SOX5: variants seen among roughly 807,000 people sequenced by gnomAD.
SOX5 encodes SRY-box transcription factor 5.
SOX5 carries 9 observed loss-of-function variants against 92.0 expected under a neutral mutation model. The observed-to-expected ratio is 0.10, with a 90% confidence interval of 0.06 to 0.17. The LOEUF is 0.17. Ranked by LOEUF, SOX5 falls within the 10% of genes least tolerant of loss-of-function variation. SOX5 has a pLI of 1.00. For missense variants in SOX5, 642 were observed against 944.5 expected (o/e 0.68, Z 4.20); for synonymous variants, 344 against 336.3 (o/e 1.02, Z -0.25).
chr12:24,033,214 G>C (rs1477495248), intron 4 of SOX5, among the ~76,000 whole-genome samples: 1 of 151,860 alleles, frequency 6.6e-6, no homozygotes. Flanking sequence ...CAATTCTGCA[G>C]AAAGAGGAAT....
At chr12:24,230,148 A>C (rs1440248181) in intron 3 of SOX5, among the ~76,000 whole-genome samples, 1 of 152,122 alleles carries the variant, frequency 6.6e-6, no homozygotes, top group African/African-American at 2.4e-5. Context: ...AGAGTGTGTA[A>C]TGGGGGATCT....
At chr12:23,773,713 A>G (rs2095011204) in intron 3 of SOX5, among the ~76,000 whole-genome samples, 1 of 151,890 alleles carries the variant, frequency 6.6e-6, no homozygotes, top group Non-Finnish European at 1.5e-5. Flanking sequence ...GCTGATTTCT[A>G]AAAAGGAAAA....
At chr12:24,436,620 T>C (rs962755532) in intron 1 of SOX5, among the ~76,000 whole-genome samples, 1 of 152,170 alleles carries the variant, frequency 6.6e-6, no homozygotes, top group Non-Finnish European at 1.5e-5. Context: ...CGAGTGCTGA[T>C]GGGGAAGCTG....
chr12:23,570,680 G>A (rs188065276), intron 10 of SOX5, among the ~76,000 whole-genome samples: 190 of 151,648 alleles, frequency 1.3e-3, no homozygotes, highest in African/African-American at 4.4e-3. Flanking sequence ...GGAGGCCCAG[G>A]CAGGCGGATC....
intron 1 of SOX5, among the ~76,000 whole-genome samples, chr12:24,390,161 C>G (rs1958839373): frequency 6.6e-6 from 1 of 152,158 alleles, no homozygotes; most frequent in African/African-American, 2.4e-5. Context: ...GATTTATCCT[C>G]TAATTCACCA....
chr12:23,634,807 AT>A (rs2079011597), intron 8 of SOX5, among the ~76,000 whole-genome samples: 3 of 152,168 alleles, frequency 2.0e-5, no homozygotes, highest in Admixed American at 2.0e-4. Flanking sequence ...TTAAAAGGTG[AT>A]TAATTAATAT....
chr12:23,909,132 C>T (rs1027013544), intron 1 of SOX5, among the ~76,000 whole-genome samples: 3 of 152,072 alleles, frequency 2.0e-5, no homozygotes, highest in East Asian at 1.9e-4. Context: ...CACAATAAGA[C>T]CCCAGCACAA....
chr12:24,171,365 A>G (rs911941010), intron 4 of SOX5, among the ~76,000 whole-genome samples: 2 of 151,678 alleles, frequency 1.3e-5, no homozygotes, highest in African/African-American at 2.4e-5. Flanking sequence ...CTGGGACTAC[A>G]GGCACATGCC....
chr12:24,024,792 AC>A (rs1398855654), intron 4 of SOX5, among the ~76,000 whole-genome samples: 1 of 152,030 alleles, frequency 6.6e-6, no homozygotes, highest in African/African-American at 2.4e-5. Flanking sequence ...AACTCTGAGT[AC>A]TCAGAATTTT....
intron 2 of SOX5, among the ~76,000 whole-genome samples, chr12:23,856,314 A>G (rs2096688796): frequency 6.6e-6 from 1 of 152,148 alleles, no homozygotes; most frequent in Admixed American, 6.5e-5. Flanking sequence ...AAAGGACATA[A>G]AAAGCACCTT....
intron 1 of SOX5, among the ~76,000 whole-genome samples, chr12:24,541,620 A>G (rs1270504998): frequency 1.3e-5 from 2 of 152,232 alleles, no homozygotes; most frequent in Admixed American, 6.5e-5. Context: ...AGGATGTTTC[A>G]TGGTTAATTT....
At chr12:24,051,881 T>C (rs537792353) in intron 4 of SOX5, among the ~76,000 whole-genome samples, 2 of 152,344 alleles carry the variant, frequency 1.3e-5, no homozygotes, top group South Asian at 2.1e-4. Context: ...GTTCAACTCA[T>C]TGCAAATTGC....
At position 24,473,042 on chromosome 12, in the gene SOX5, T is replaced by C. The variant is rs187488350; in HGVS notation, c.-251+89287A>G. Among the ~76,000 whole-genome samples, 9 of 152,248 alleles carry C rather than the reference T, an allele frequency of 5.9e-5. No individual in the cohort carries two copies. In the East Asian group the frequency reaches 1.7e-3, roughly 29 times the overall value. On this transcript the variant is annotated intron_variant, in intron 1 of 4. Transcript: ENST00000446891. ...TTCCCCTTTGGTTATTTGTAGTACA[T>C]TGACTACTCAAAAACATTACTCTTT...
intron 1 of SOX5, among the ~76,000 whole-genome samples, chr12:24,389,672 C>G (rs1958791465): frequency 1.3e-5 from 2 of 152,166 alleles, no homozygotes; most frequent in Non-Finnish European, 1.5e-5. Flanking sequence ...ATGAATAATT[C>G]TGCTATGAAC....
chr12:24,455,866 T>C (rs1349927212), intron 1 of SOX5, among the ~76,000 whole-genome samples: 5 of 152,146 alleles, frequency 3.3e-5, no homozygotes, highest in African/African-American at 1.2e-4. Flanking sequence ...GTAGAATGAC[T>C]GTCCTACAAA....
chr12:24,503,780 C>T lies in SOX5; in HGVS notation c.-251+58549G>A, dbSNP rs183477250. Among the ~76,000 whole-genome samples, 124 of 152,168 alleles carry T rather than the reference C, an allele frequency of 8.1e-4. 2 individuals are homozygous for T. Among genetic ancestry groups the T allele is most frequent in the Non-Finnish European group, 8.8e-5 (6 of 67,996 alleles). On this transcript the variant is annotated intron_variant, in intron 1 of 4. Transcript: ENST00000446891. ...ATAAGTGGGAGTTGAACAATGAGAACACATGGACACAGGGAGGGCAACATC... is the reference window on the plus strand; with the variant it reads ...ATAAGTGGGAGTTGAACAATGAGAATACATGGACACAGGGAGGGCAACATC...
chr12:24,387,102 A>G (rs965744398), intron 1 of SOX5, among the ~76,000 whole-genome samples: 1 of 152,256 alleles, frequency 6.6e-6, no homozygotes, highest in Non-Finnish European at 1.5e-5. Context: ...GGCACAAAGT[A>G]GAAGTACCAA....
intron 5 of SOX5, among the ~76,000 whole-genome samples, chr12:23,736,348 G>A (rs1388829242): frequency 1.3e-5 from 2 of 152,054 alleles, no homozygotes; most frequent in African/African-American, 2.4e-5. Context: ...TGTAGTCCCA[G>A]CTACTTGGGA....
intron 1 of SOX5, among the ~76,000 whole-genome samples, chr12:24,527,329 A>G (rs1199724442): frequency 6.6e-6 from 1 of 152,214 alleles, no homozygotes; most frequent in South Asian, 2.1e-4. Flanking sequence ...GTGATTCCAG[A>G]TGGAGAAAGA....
Sources: allele counts gnomAD v4.1 joint callset (sites outside exome capture counted in the v4.1 genomes callset), GRCh38; gene constraint gnomAD v4.1.1; transcripts MANE v1.5; gene names NCBI Gene and HGNC (gene_info 2026-07-23, HGNC 2026-07-21).